CALN1: variants seen among roughly 807,000 people sequenced by gnomAD.
CALN1 encodes calcium-binding protein 8.
CALN1 carries 17 observed loss-of-function variants against 30.6 expected under a neutral mutation model. The observed-to-expected ratio is 0.56, with a 90% CI of 0.38 to 0.83. The LOEUF (loss-of-function observed/expected upper bound fraction) is 0.83, where lower values mean the gene tolerates loss of function less well. CALN1 is among the 40% of genes least tolerant of loss of function. The pLI, the probability that CALN1 is intolerant of heterozygous loss-of-function variation, is 0.00. For missense variants in CALN1, 291 were observed against 354.9 expected, an observed-to-expected ratio of 0.82 and a Z score of 1.45; for synonymous variants, 156 against 131.4, an observed-to-expected ratio of 1.19 and a Z score of -1.28.
chr7:72,021,180 TG>T (rs2129530053), intron 5 of CALN1, among the ~76,000 whole-genome samples: 1 of 152,046 alleles, frequency 6.6e-6, no homozygotes. Flanking sequence ...AAGGCTGAAG[TG>T]GGAGGATCAC....
chr7:72,302,672 T>C (rs10248061), intron 2 of CALN1, among the ~76,000 whole-genome samples: 7,042 of 151,754 alleles, frequency 0.046, 223 homozygotes, highest in South Asian at 0.1. Flanking sequence ...GGCACGTGGA[T>C]CACTTGAGGT....
intron 6 of CALN1, among the ~76,000 whole-genome samples, chr7:71,803,119 G>A (rs961515681): frequency 3.3e-5 from 5 of 152,184 alleles, no homozygotes; most frequent in Non-Finnish European, 7.3e-5. Context: ...GTGCCTGAAA[G>A]TCATGCTTTT....
chr7:72,501,846 T>C, the CALN1 span, among the ~76,000 whole-genome samples: 2 of 142,900 alleles, frequency 1.4e-5, no homozygotes, highest in African/African-American at 2.6e-5. Context: ...GAGGTGGAAG[T>C]TGCAGTGAGC....
At chr7:72,424,260 C>G (rs1807725147) in intron 1 of CALN1, among the ~76,000 whole-genome samples, 1 of 152,258 alleles carries the variant, frequency 6.6e-6, no homozygotes, top group South Asian at 2.1e-4. Flanking sequence ...CCAGGCAGCC[C>G]TCCAGGTTTC....
intron 3 of CALN1, among the ~76,000 whole-genome samples, chr7:72,235,950 T>C (rs1455502798): frequency 6.6e-6 from 1 of 151,674 alleles, no homozygotes; most frequent in Non-Finnish European, 1.5e-5. Context: ...AATAACCTGA[T>C]TTCACATTCT....
chr7:72,027,845 CAGG>C (rs1284580022), intron 4 of CALN1, among the ~76,000 whole-genome samples: 1 of 151,410 alleles, frequency 6.6e-6, no homozygotes, highest in Non-Finnish European at 1.5e-5. Context: ...ATCACGAGGT[CAGG>C]AGATCGAGAC....
At chr7:72,264,276 T>C (rs1308942117) in intron 3 of CALN1, among the ~76,000 whole-genome samples, 1 of 152,036 alleles carries the variant, frequency 6.6e-6, no homozygotes, top group Non-Finnish European at 1.5e-5. Flanking sequence ...CCTCAGCCCT[T>C]TTCTGTCTAT....
Position 71,955,149 on chromosome 7 carries a change from C to T in CALN1, c.501+68508G>A, listed in dbSNP as rs144435679. Among the ~76,000 whole-genome samples, 8 of 152,194 alleles carry T rather than the reference C, an allele frequency of 5.3e-5. No individual in the cohort carries two copies. In the East Asian group the frequency reaches 1.6e-3, roughly 29 times the overall value. On this transcript the variant is annotated intron_variant, in intron 5 of 6. Transcript: ENST00000395275. ...GAAGGAAAAGCAAAGGGACATCGTA[C>T]ATGGCGGCAGGCAGGAGAGAGTGAG... is the stretch of plus-strand genomic sequence containing the variant.
rs967471393 is a variant in CALN1 at position 72,207,392 on chromosome 7, C to T, written c.244+71294G>A. 6.6e-5 allele frequency among the ~76,000 whole-genome samples: 10 copies of T among 152,260 alleles called. No homozygotes were observed. The East Asian group carries it at 1.5e-3, about 24-fold the overall frequency. Reference sequence around the variant, plus strand: ...ACACCCTCATTGGCCAACTCCTATGCGGTTCCCAACCTGCCAGCCTGTTTT... The same window carrying T: ...ACACCCTCATTGGCCAACTCCTATGTGGTTCCCAACCTGCCAGCCTGTTTT... On this transcript the variant is annotated intron_variant, in intron 3 of 6. Transcript: ENST00000395275.
chr7:71,922,941 A>G (rs1054009355), intron 5 of CALN1, among the ~76,000 whole-genome samples: 1 of 148,586 alleles, frequency 6.7e-6, no homozygotes, highest in Non-Finnish European at 1.5e-5. Context: ...GCTTATAGAT[A>G]TATGATATGT....
At chr7:71,946,971 T>C (rs768399181) in intron 5 of CALN1, among the ~76,000 whole-genome samples, 6 of 152,070 alleles carry the variant, frequency 3.9e-5, no homozygotes, top group Non-Finnish European at 8.8e-5. Context: ...TGAACCACCA[T>C]GCAGAAGCCA....
At chr7:72,361,968 A>C in intron 2 of CALN1, among the ~76,000 whole-genome samples, 1 of 152,194 alleles carries the variant, frequency 6.6e-6, no homozygotes, top group Non-Finnish European at 1.5e-5. Context: ...AGTTTTATTC[A>C]TAATTTTTTT....
chr7:72,403,400 G>C lies in CALN1; in HGVS notation c.-31C>G. On this transcript the variant is annotated 5_prime_UTR_variant, in exon 2 of 7. Transcript: ENST00000395275. The stretch of plus-strand genomic sequence containing the variant: ...GTCCAGGGCGATGTTCTCAGAGAGA[G>C]TTAGAAGCTCATCAAAGGAACGTCA... The C allele has an allele frequency of 1.3e-6, 2 of 1,510,702 alleles. No individual in the cohort carries two copies. Among genetic ancestry groups the C allele is most frequent in the Middle Eastern group, 1.7e-4 (1 of 5,870 alleles). The allele number at this position is 1,510,702 out of a possible 1,614,324, so 93.6% of individuals were successfully genotyped here.
At chr7:72,383,383 G>A (rs1227076409) in intron 2 of CALN1, among the ~76,000 whole-genome samples, 1 of 152,176 alleles carries the variant, frequency 6.6e-6, no homozygotes, top group African/African-American at 2.4e-5. Context: ...CCCACCAAAA[G>A]TGTATGAGCG....
intron 2 of CALN1, among the ~76,000 whole-genome samples, chr7:72,298,229 A>C (rs182034516): frequency 2.0e-5 from 3 of 152,298 alleles, no homozygotes; most frequent in African/African-American, 7.2e-5. Flanking sequence ...TTATGACAGA[A>C]AGCGTGCGAC....
chr7:71,846,786 G>A (rs144324572), intron 5 of CALN1, among the ~76,000 whole-genome samples: 8 of 144,728 alleles, frequency 5.5e-5, no homozygotes, highest in East Asian at 2.0e-4. Context: ...ATATATATAC[G>A]TGTATATACA....
At chr7:72,071,142 C>T (rs1004521237) in intron 4 of CALN1, among the ~76,000 whole-genome samples, 6 of 152,264 alleles carry the variant, frequency 3.9e-5, no homozygotes, top group African/African-American at 1.2e-4. Flanking sequence ...GCACAGTAGC[C>T]GCTACCCATC....
At chr7:71,913,175 G>C (rs1422521565) in intron 5 of CALN1, among the ~76,000 whole-genome samples, 1 of 152,232 alleles carries the variant, frequency 6.6e-6, no homozygotes, top group Non-Finnish European at 1.5e-5. Flanking sequence ...ACCAGAAAGA[G>C]GAAAAGTGAA....
At chr7:72,156,698 C>T (rs1382711698) in intron 3 of CALN1, among the ~76,000 whole-genome samples, 1 of 152,244 alleles carries the variant, frequency 6.6e-6, no homozygotes, top group East Asian at 1.9e-4. Context: ...AAGCGCCCTA[C>T]TGGGGCAAAG....
Sources: allele counts gnomAD v4.1 joint callset (sites outside exome capture counted in the v4.1 genomes callset), GRCh38; gene constraint gnomAD v4.1.1; transcripts MANE v1.5; gene names NCBI Gene and HGNC (gene_info 2026-07-23, HGNC 2026-07-21).